FAM124B: variants seen among roughly 807,000 people sequenced by gnomAD.
The protein encoded by FAM124B is protein FAM124B.
Under a neutral mutation model 19.7 loss-of-function variants are expected in FAM124B, and 18 were observed. The observed-to-expected ratio is 0.92, with a 90% CI of 0.63 to 1.36. The LOEUF (loss-of-function observed/expected upper bound fraction) is 1.36, where lower values mean the gene tolerates loss of function less well. Among genes scored for constraint, FAM124B ranks in the 40% most tolerant of loss-of-function variants. FAM124B has a pLI of 0.00. For synonymous variants in FAM124B, 223 were observed against 225.2 expected (o/e 0.99, Z 0.09); for missense variants, 540 against 553.3 (o/e 0.98, Z 0.24).
rs532491614 is a variant in FAM124B at position 224,379,363 on chromosome 2, C to T, written c.*210G>A. The T allele has an allele frequency of 1.0e-5, 7 of 682,078 alleles. No individual in the cohort carries two copies. The highest frequency in any genetic ancestry group is 3.2e-5 in the East Asian group (1 of 30,904). The allele number at this position is 682,078 out of a possible 1,614,324, so 42.3% of individuals were successfully genotyped here. A position where few individuals can be genotyped will look rare whatever the true frequency, so the allele number is the denominator to read the frequency against. On this transcript the variant is annotated 3_prime_UTR_variant, in exon 2 of 2. Coordinates refer to ENST00000409685, the MANE Select transcript of FAM124B (RefSeq NM_001122779.2). ...TTCGGTTTTTTTCCCTGTGTGTTGG[C>T]TGTGTTCTCTTATGACTGTGACGGC... is the stretch of plus-strand genomic sequence containing the variant.
chr2:224,401,275 G>T lies in FAM124B; in HGVS notation c.494C>A (p.Thr165Asn). The change falls in exon 1 of 2, where the codon ACC becomes AAC. Residue 165 changes from threonine to asparagine, a missense_variant. Physicochemically the swap from Thr to Asn is moderately conservative, Grantham distance 65. Coordinates refer to ENST00000409685, the MANE Select transcript of FAM124B (RefSeq NM_001122779.2). Reference protein sequence around the residue: ...LYEMILQREATLQKSNFCFFV... With the variant: ...LYEMILQREANLQKSNFCFFV... ...GAAACAAAAATTGCTCTTTTGCAAG[G>T]TCGCTTCTCTCTGCAGGATCATCTC... 1 of 1,614,052 alleles carries T rather than the reference G, an allele frequency of 6.2e-7. No homozygotes were observed. The highest frequency in any genetic ancestry group is 8.5e-7 in the Non-Finnish European group (1 of 1,180,016).
chr2:224,384,707 T>A (rs1314976262), intron 1 of FAM124B, among the ~76,000 whole-genome samples: 1 of 152,178 alleles, frequency 6.6e-6, no homozygotes, highest in Non-Finnish European at 1.5e-5. Flanking sequence ...CCATCCAGAT[T>A]ATCAAGGAAG....
chr2:224,402,101 T>G lies in FAM124B; in HGVS notation c.-333A>C. ...GGTTTCTGCGTGACCTAAAAACCTA[T>G]AATCCTGAGAAACACCCAAATGGGC... On this transcript the variant is annotated 5_prime_UTR_variant, in exon 1 of 2. Coordinates refer to ENST00000409685, the MANE Select transcript of FAM124B (RefSeq NM_001122779.2). 3.8e-6 allele frequency: 1 copy of G among 261,976 alleles called. No homozygotes were observed. The allele number at this position is 261,976 out of a possible 1,614,324, so 16.2% of individuals were successfully genotyped here. A position where few individuals can be genotyped will look rare whatever the true frequency, so the allele number is the denominator to read the frequency against.
At chr2:224,385,842 C>T (rs988013979) in intron 1 of FAM124B, among the ~76,000 whole-genome samples, 1 of 152,174 alleles carries the variant, frequency 6.6e-6, no homozygotes, top group East Asian at 1.9e-4. Flanking sequence ...TCTTATAGAT[C>T]GCTGACATTC....
chr2:224,390,883 G>A (rs1221080754), intron 1 of FAM124B, among the ~76,000 whole-genome samples: 2 of 150,782 alleles, frequency 1.3e-5, no homozygotes, highest in Non-Finnish European at 3.0e-5. Context: ...TTGTATTTTT[G>A]TAGTAGAGAC....
chr2:224,393,873 G>A (rs115334502), intron 1 of FAM124B, among the ~76,000 whole-genome samples: 3,085 of 152,236 alleles, frequency 0.02, 91 homozygotes, highest in African/African-American at 0.069. Flanking sequence ...GTTTGGGGAC[G>A]GTTCCATAAG....
rs1689680893 is a variant in FAM124B, at chr2:224,379,701, T to C, written c.1240A>G (p.Arg414Gly). Residue 414 changes from arginine to glycine, a missense_variant, in exon 2 of 2, where the codon AGA (arginine) becomes GGA (glycine). Physicochemically the swap from Arg to Gly is moderately radical, Grantham distance 125 (BLOSUM62 -2). Coordinates refer to ENST00000409685, the MANE Select transcript of FAM124B (RefSeq NM_001122779.2). ...CCAGCAAGTGGCAAAGGAGAGACTC[T>C]TTCCTTAAGGACACTGTTGTTTTTG... Reference protein sequence around the residue: ...TSKNNSVLKERVSPLPLAGQR... With the variant: ...TSKNNSVLKEGVSPLPLAGQR... The C allele has an allele frequency of 6.4e-7, 1 of 1,551,600 alleles. No individual in the cohort carries two copies. Among genetic ancestry groups the C allele is most frequent in the East Asian group, 2.4e-5 (1 of 40,928 alleles).
intron 1 of FAM124B, among the ~76,000 whole-genome samples, chr2:224,396,595 G>A (rs556844828): frequency 5.9e-5 from 9 of 152,090 alleles, no homozygotes; most frequent in Admixed American, 2.6e-4. Context: ...TGTCTCCTCC[G>A]CCCTGATCTT....
chr2:224,380,979 C>T (rs1439224336), intron 1 of FAM124B, among the ~76,000 whole-genome samples: 1 of 152,142 alleles, frequency 6.6e-6, no homozygotes, highest in East Asian at 1.9e-4. Context: ...TTTAAGACTT[C>T]CACCCTTGGG....
chr2:224,400,990 A>T, intron 1 of FAM124B, 47 bp downstream of exon 1: 17 of 1,534,736 alleles, frequency 1.1e-5, no homozygotes, highest in Non-Finnish European at 1.5e-5. Flanking sequence ...ATGTAAAATT[A>T]CACAGCTCCA....
chr2:224,379,379 CTG>C lies in FAM124B; in HGVS notation c.*192_*193del, dbSNP rs999200091. The C allele has an allele frequency of 8.5e-5, 69 of 812,758 alleles. No homozygotes were observed. The Middle Eastern group carries it at 1.5e-3, about 18-fold the overall frequency. The allele number at this position is 812,758 out of a possible 1,614,324, so 50.3% of individuals were successfully genotyped here. A position where few individuals can be genotyped will look rare whatever the true frequency, so the allele number is the denominator to read the frequency against. On this transcript the variant is annotated 3_prime_UTR_variant, in exon 2 of 2. Coordinates refer to ENST00000409685, the MANE Select transcript of FAM124B (RefSeq NM_001122779.2). The stretch of plus-strand genomic sequence containing the variant: ...GTGTGTTGGCTGTGTTCTCTTATGA[CTG>C]TGACGGCAAATAAACAATCATTCCC...
intron 1 of FAM124B, among the ~76,000 whole-genome samples, chr2:224,394,648 G>A (rs1042807315): frequency 2.0e-5 from 3 of 151,984 alleles, no homozygotes; most frequent in Non-Finnish European, 2.9e-5. Flanking sequence ...CGTAATAAAT[G>A]GATTTCTTCA....
chr2:224,381,497 C>G (rs953724024), intron 1 of FAM124B, among the ~76,000 whole-genome samples: 1 of 148,134 alleles, frequency 6.8e-6, no homozygotes, highest in Non-Finnish European at 1.5e-5. Context: ...ACTATGAAGA[C>G]AGTAAAAAAA....
Position 224,383,471 on chromosome 2 carries a change from T to A in FAM124B, c.733-3263A>T, listed in dbSNP as rs193148415. ...CTCCCCTCCTTTCTTCCTTCTCTCC[T>A]TCCTTCCTCCTGCCCTTCCTTTCCT... On this transcript the variant is annotated intron_variant, in intron 1 of 1. Coordinates refer to ENST00000409685, the MANE Select transcript of FAM124B (RefSeq NM_001122779.2). Among the ~76,000 whole-genome samples, 485 of 152,168 alleles carry A rather than the reference T, an allele frequency of 3.2e-3. 4 individuals carry two copies. Among genetic ancestry groups the A allele is most frequent in the African/African-American group, 0.011 (469 of 41,536 alleles).
chr2:224,396,470 G>A (rs1689971231), intron 1 of FAM124B, among the ~76,000 whole-genome samples: 1 of 152,104 alleles, frequency 6.6e-6, no homozygotes, highest in Non-Finnish European at 1.5e-5. Context: ...CCTCCATCCT[G>A]GCCATGTGGA....
At position 224,401,390 on chromosome 2, in the gene FAM124B, C is replaced by A. The variant is rs748198485; in HGVS notation, c.379G>T (p.Gly127Trp). 4 of 1,614,096 alleles carry A rather than the reference C, an allele frequency of 2.5e-6. No homozygotes were observed. Among genetic ancestry groups the A allele is most frequent in the South Asian group, 1.1e-5 (1 of 91,070 alleles). Residue 127 changes from glycine (G) to tryptophan (W), a missense_variant, in exon 1 of 2, where the codon GGG becomes TGG. Gly to Trp is a radical substitution (Grantham distance 184). Coordinates refer to ENST00000409685, the MANE Select transcript of FAM124B (RefSeq NM_001122779.2). ...GAGCCACAGTGCACCTGCCTCACCCCCCAGATGGGCAGCTGACTGTCCAGG... is the reference window on the plus strand; with the variant it reads ...GAGCCACAGTGCACCTGCCTCACCCACCAGATGGGCAGCTGACTGTCCAGG... ...YSLDSQLPIW[G>W]VRQVHCGSEI...
intron 1 of FAM124B, among the ~76,000 whole-genome samples, chr2:224,396,013 G>A (rs1316453663): frequency 6.6e-6 from 1 of 152,184 alleles, no homozygotes; most frequent in Non-Finnish European, 1.5e-5. Context: ...ATTTCACCAA[G>A]GATAGAATAG....
intron 1 of FAM124B, among the ~76,000 whole-genome samples, chr2:224,384,180 G>A (rs1254651904): frequency 6.6e-6 from 1 of 152,066 alleles, no homozygotes; most frequent in East Asian, 1.9e-4. Context: ...CCTCCACTGG[G>A]CCTTCTCCAC....
At chr2:224,401,010 A>G (rs372107073) in intron 1 of FAM124B, 27 bp downstream of exon 1, 3 of 1,562,324 alleles carry the variant, frequency 1.9e-6, no homozygotes, top group Non-Finnish European at 2.6e-6. Flanking sequence ...ATGAGCCTCT[A>G]CAAGATCTGA....
Sources: allele counts gnomAD v4.1 joint callset (sites outside exome capture counted in the v4.1 genomes callset), GRCh38; gene constraint gnomAD v4.1.1; transcripts MANE v1.5; gene names NCBI Gene and HGNC (gene_info 2026-07-23, HGNC 2026-07-21).